The following CDH13 variants were observed in gnomAD, a reference collection of about 807,000 sequenced individuals.
CDH13 encodes cadherin 13, also known as cadherin-13.
CDH13 carries 24 observed loss-of-function variants against 63.8 expected under a neutral mutation model. That is an observed-to-expected ratio of 0.38 (90% CI 0.27 to 0.53). The LOEUF is 0.53. CDH13 is among the 20% of genes least tolerant of loss of function. The pLI, the probability that CDH13 is intolerant of heterozygous loss-of-function variation, is 0.85. For synonymous variants in CDH13, 503 were observed against 355.3 expected, an observed-to-expected ratio of 1.42 and a Z score of -4.67; for missense variants, 1,049 against 903.1, an observed-to-expected ratio of 1.16 and a Z score of -2.07.
At chr16:83,151,246 A>G (rs961490677) in intron 4 of CDH13, among the ~76,000 whole-genome samples, 6 of 152,206 alleles carry the variant, frequency 3.9e-5, no homozygotes, top group Non-Finnish European at 7.3e-5. Flanking sequence ...AATATGCTCC[A>G]TGACAAACAT....
At chr16:83,330,608 G>C (rs555275035) in intron 5 of CDH13, among the ~76,000 whole-genome samples, 2 of 152,196 alleles carry the variant, frequency 1.3e-5, no homozygotes, top group African/African-American at 4.8e-5. Context: ...CACAGATAGG[G>C]AAATGGCAGG....
chr16:83,687,687 T>C (rs191363262), intron 10 of CDH13, among the ~76,000 whole-genome samples: 1 of 152,224 alleles, frequency 6.6e-6, no homozygotes, highest in Non-Finnish European at 1.5e-5. Flanking sequence ...CATTTACATT[T>C]GGCCTTGTTT....
rs543734469 is a variant in CDH13 at position 83,595,180 on chromosome 16, C to G, written c.961-7274C>G. Among the ~76,000 whole-genome samples the G allele has an allele frequency of 2.0e-5, 3 of 152,308 alleles. No individual in the cohort carries two copies. In the South Asian group the frequency reaches 6.2e-4, roughly 32 times the overall value. On this transcript the variant is annotated intron_variant, in intron 7 of 13. Transcript: ENST00000567109. ...GTTTTGACACAGTGCATTTCTTCCT[C>G]CAAATAAAATTCTATCTCCTTGAGC...
At chr16:83,013,535 C>A (rs1298682767) in intron 2 of CDH13, among the ~76,000 whole-genome samples, 1 of 152,216 alleles carries the variant, frequency 6.6e-6, no homozygotes, top group East Asian at 1.9e-4. Context: ...AAACCCCAAT[C>A]CTCACAAGTG....
At chr16:82,780,764 C>G (rs1287439756) in intron 1 of CDH13, among the ~76,000 whole-genome samples, 1 of 152,154 alleles carries the variant, frequency 6.6e-6, no homozygotes, top group Non-Finnish European at 1.5e-5. Flanking sequence ...CAGCTTTTTT[C>G]TTTCACGCTG....
At chr16:83,220,200 A>G (rs72802228) in intron 5 of CDH13, among the ~76,000 whole-genome samples, 18,323 of 152,136 alleles carry the variant, frequency 0.12, 1,424 homozygotes, top group Middle Eastern at 0.18. Flanking sequence ...GAAGCTTCTT[A>G]CAGTTGCTGA....
intron 5 of CDH13, among the ~76,000 whole-genome samples, chr16:83,302,480 A>G (rs891430876): frequency 2.4e-4 from 37 of 152,222 alleles, no homozygotes; most frequent in African/African-American, 8.4e-4. Context: ...CACTGCACAA[A>G]TGGGGCTCCT....
intron 5 of CDH13, among the ~76,000 whole-genome samples, chr16:83,235,367 A>G (rs922590442): frequency 1.3e-5 from 2 of 152,196 alleles, no homozygotes; most frequent in Admixed American, 6.5e-5. Flanking sequence ...AAAATCCACC[A>G]TAGAGCGTTG....
chr16:83,388,738 C>A (rs1441557756), intron 6 of CDH13, among the ~76,000 whole-genome samples: 1 of 152,118 alleles, frequency 6.6e-6, no homozygotes, highest in Non-Finnish European at 1.5e-5. Context: ...TGCTGAGAGT[C>A]CCCTTCTATC....
intron 6 of CDH13, among the ~76,000 whole-genome samples, chr16:83,363,346 G>A (rs1226229696): frequency 1.3e-5 from 2 of 152,182 alleles, no homozygotes; most frequent in African/African-American, 4.8e-5. Context: ...TTAAATATGT[G>A]TAAGCACATA....
At chr16:82,877,886 T>C (rs2040557366) in intron 2 of CDH13, among the ~76,000 whole-genome samples, 1 of 145,982 alleles carries the variant, frequency 6.9e-6, no homozygotes, top group African/African-American at 2.5e-5. Flanking sequence ...TCATGATTCT[T>C]GAGGAGAGAG....
At position 83,563,664 on chromosome 16, in the gene CDH13, C is replaced by T. The variant is rs547361985; in HGVS notation, c.961-38790C>T. On this transcript the variant is annotated intron_variant, in intron 7 of 13. Transcript: ENST00000567109. ...CTAGAAACGACCAGTTTTAGGAGGG[C>T]GTGTGTGTATGTGTGTGTTTGTGTA... Among the ~76,000 whole-genome samples the T allele has an allele frequency of 7.2e-5, 11 of 152,136 alleles. No individual in the cohort carries two copies. The South Asian group carries it at 8.3e-4, about 11-fold the overall frequency.
At position 83,551,898 on chromosome 16, in the gene CDH13, G is replaced by C. The variant is rs112389667; in HGVS notation, c.961-50556G>C. Among the ~76,000 whole-genome samples the C allele has an allele frequency of 1.9e-4, 29 of 152,266 alleles. 3 individuals are homozygous for C. Among genetic ancestry groups the C allele is most frequent in the African/African-American group, 7.0e-4 (29 of 41,574 alleles). ...CATAATTACTTAATGTTAGTTGAAA[G>C]AAAAAATGGATGGATGAATGGATGG... On this transcript the variant is annotated intron_variant, in intron 7 of 13. Transcript: ENST00000567109.
intron 3 of CDH13, among the ~76,000 whole-genome samples, chr16:83,060,829 C>T (rs974328045): frequency 2.6e-5 from 4 of 152,208 alleles, no homozygotes; most frequent in African/African-American, 4.8e-5. Context: ...AGCTGGGACA[C>T]TGTTGCCTTC....
chr16:83,140,310 A>C (rs9932873), intron 4 of CDH13, among the ~76,000 whole-genome samples: 2,664 of 152,308 alleles, frequency 0.017, 54 homozygotes, highest in African/African-American at 0.06. Flanking sequence ...CCAATGTCTC[A>C]GAAACCTTCT....
At chr16:82,637,428 C>CTGTTTTTTTT (rs1908792335) in intron 1 of CDH13, among the ~76,000 whole-genome samples, 1 of 81,654 alleles carries the variant, frequency 1.2e-5, no homozygotes, top group South Asian at 5.4e-4. Context: ...GTTACTGTGC[C>CTGTTTTTTTT]TTTTTTTTTT....
chr16:83,154,362 C>T (rs1046493156), intron 4 of CDH13, among the ~76,000 whole-genome samples: 1 of 151,954 alleles, frequency 6.6e-6, no homozygotes, highest in Non-Finnish European at 1.5e-5. Flanking sequence ...CCAGACCATC[C>T]AGGCCAACAT....
At chr16:82,807,752 A>G (rs376603010) in intron 1 of CDH13, among the ~76,000 whole-genome samples, 2 of 152,186 alleles carry the variant, frequency 1.3e-5, no homozygotes, top group African/African-American at 2.4e-5. Context: ...CCAGCCTCCA[A>G]ACACCACAAT....
At chr16:82,987,460 T>G (rs967773245) in intron 2 of CDH13, among the ~76,000 whole-genome samples, 1 of 152,172 alleles carries the variant, frequency 6.6e-6, no homozygotes, top group African/African-American at 2.4e-5. Context: ...CATTGCAACC[T>G]CCTCCTTCTA....
Sources: gnomAD v4.1 joint callset for allele counts (sites outside exome capture counted in the v4.1 genomes callset) on GRCh38, gnomAD v4.1.1 for gene constraint, MANE v1.5 for transcripts, NCBI Gene and HGNC (gene_info 2026-07-23, HGNC 2026-07-21) for gene names.